The following PALM2AKAP2 variants were observed in gnomAD, a reference collection of about 807,000 sequenced individuals.
The protein encoded by PALM2AKAP2 is PALM2-AKAP2 fusion protein.
Under a neutral mutation model 71.5 loss-of-function variants are expected in PALM2AKAP2, and 37 were observed. That is an observed-to-expected ratio of 0.52 (90% CI 0.40 to 0.68). The LOEUF (loss-of-function observed/expected upper bound fraction) is 0.68, where lower values mean the gene tolerates loss of function less well. PALM2AKAP2 is among the 30% of genes least tolerant of loss of function. The pLI, the probability that PALM2AKAP2 is intolerant of heterozygous loss-of-function variation, is 0.00. For synonymous variants in PALM2AKAP2, 468 were observed against 478.8 expected (o/e 0.98, Z 0.29); for missense variants, 1,224 against 1,191.8 (o/e 1.03, Z -0.40).
intron 1 of PALM2AKAP2, among the ~76,000 whole-genome samples, chr9:109,646,255 T>C (rs549543474): frequency 1.3e-5 from 2 of 152,314 alleles, no homozygotes; most frequent in East Asian, 1.9e-4. Flanking sequence ...ATGAGATCCA[T>C]GTGTTTGTAG....
chr9:109,922,689 A>G (rs1300518723), intron 3 of PALM2AKAP2, among the ~76,000 whole-genome samples: 1 of 152,216 alleles, frequency 6.6e-6, no homozygotes, highest in African/African-American at 2.4e-5. Flanking sequence ...ACATTGCTGC[A>G]TATCAGTGCC....
chr9:109,900,523 C>G (rs1250321942), intron 3 of PALM2AKAP2, among the ~76,000 whole-genome samples: 1 of 152,160 alleles, frequency 6.6e-6, no homozygotes, highest in Non-Finnish European at 1.5e-5. Flanking sequence ...CATGGAGGAC[C>G]TTAGGATTTG....
intron 1 of PALM2AKAP2, among the ~76,000 whole-genome samples, chr9:110,085,864 T>C (rs898363634): frequency 9.2e-5 from 14 of 152,244 alleles, no homozygotes; most frequent in African/African-American, 3.4e-4. Flanking sequence ...CCTAGCACTT[T>C]GGGAGGCCGA....
At position 110,024,244 on chromosome 9, in the gene PALM2AKAP2, A is replaced by G. The variant is rs145333146; in HGVS notation, c.582+8205A>G. On this transcript the variant is annotated intron_variant, in intron 7 of 9. Coordinates refer to the PALM2AKAP2 transcript ENST00000302798. ...GTTTTAAATAATTTCCATCATTCCA[A>G]TAAGATCCCTCATGCCCTCCTATAG... Among the ~76,000 whole-genome samples the G allele has an allele frequency of 1.4e-3, 220 of 152,282 alleles. 1 individual carries two copies. Among genetic ancestry groups the G allele is most frequent in the African/African-American group, 5.1e-3 (214 of 41,562 alleles).
intron 1 of PALM2AKAP2, among the ~76,000 whole-genome samples, chr9:109,749,956 C>T (rs1828860256): frequency 6.6e-6 from 1 of 152,206 alleles, no homozygotes; most frequent in Non-Finnish European, 1.5e-5. Context: ...ACCTAAACAG[C>T]TCTGGGCTGG....
intron 1 of PALM2AKAP2, among the ~76,000 whole-genome samples, chr9:109,693,017 CT>C (rs768504918): frequency 2.6e-5 from 4 of 151,452 alleles, no homozygotes; most frequent in Non-Finnish European, 5.9e-5. Context: ...TGTTCCCTTT[CT>C]TTCTGTTTTC....
At chr9:110,018,119 C>A (rs1833014654) in intron 7 of PALM2AKAP2, among the ~76,000 whole-genome samples, 1 of 152,142 alleles carries the variant, frequency 6.6e-6, no homozygotes, top group East Asian at 1.9e-4. Context: ...GTACCAGGAT[C>A]TTGACTGAAG....
chr9:109,912,000 C>T (rs1468305948), intron 3 of PALM2AKAP2, among the ~76,000 whole-genome samples: 2 of 152,086 alleles, frequency 1.3e-5, no homozygotes, highest in African/African-American at 4.8e-5. Flanking sequence ...GAAAACATTC[C>T]TAAAGAGATG....
chr9:109,668,379 G>A (rs901995592), intron 1 of PALM2AKAP2, among the ~76,000 whole-genome samples: 2 of 152,126 alleles, frequency 1.3e-5, no homozygotes, highest in African/African-American at 2.4e-5. Context: ...CTAGCAGGAG[G>A]GCTTACAATT....
rs1455166411 is a variant in PALM2AKAP2, at chr9:110,029,287, G to C, written c.582+13248G>C. On this transcript the variant is annotated intron_variant, in intron 7 of 9. Transcript: ENST00000302798. Reference sequence around the variant, plus strand: ...TATTCTAGGATCTTCTTTTTAGTTGGGATATCAGTGTTAGCCTAATTTCAT... The same window carrying C: ...TATTCTAGGATCTTCTTTTTAGTTGCGATATCAGTGTTAGCCTAATTTCAT... Among the ~76,000 whole-genome samples, 3 of 152,180 alleles carry C rather than the reference G, an allele frequency of 2.0e-5. No individual in the cohort carries two copies. The Middle Eastern group carries it at 0.01, about 518-fold the overall frequency.
In PALM2AKAP2 at chr9:109,750,493, G is replaced by A. The variant is rs146040453; in HGVS notation, c.6-29995G>A. The stretch of plus-strand genomic sequence containing the variant: ...TCATGCAATGCTAAGTATGATACCT[G>A]AATTAGAATGGTCAAGGGTGGCCAA... On this transcript the variant is annotated intron_variant, in intron 1 of 6. Coordinates refer to the PALM2AKAP2 transcript ENST00000374531. Among the ~76,000 whole-genome samples, 531 of 152,160 alleles carry A rather than the reference G, an allele frequency of 3.5e-3. 8 individuals are homozygous for A. Among genetic ancestry groups the A allele is most frequent in the Non-Finnish European group, 2.4e-3 (160 of 67,990 alleles).
intron 1 of PALM2AKAP2, among the ~76,000 whole-genome samples, chr9:109,731,853 A>G (rs1828560536): frequency 6.6e-6 from 1 of 152,158 alleles, no homozygotes; most frequent in Non-Finnish European, 1.5e-5. Flanking sequence ...TCAGGGGAGA[A>G]GAGAGGGTAA....
At chr9:109,958,015 C>G (rs1564233483) in intron 6 of PALM2AKAP2, among the ~76,000 whole-genome samples, 1 of 152,174 alleles carries the variant, frequency 6.6e-6, no homozygotes, top group African/African-American at 2.4e-5. Context: ...CAATTAATTT[C>G]AATTCACCAA....
In PALM2AKAP2 at chr9:109,679,151, C is replaced by G. The variant is rs138841046; in HGVS notation, c.5+38285C>G. Among the ~76,000 whole-genome samples, 423 of 152,260 alleles carry G rather than the reference C, an allele frequency of 2.8e-3. 2 individuals are homozygous for G. Among genetic ancestry groups the G allele is most frequent in the African/African-American group, 9.6e-3 (399 of 41,548 alleles). ...ATGAGTTTTCCAGATTATGTATTGCCAGGCTGTGGCTGTGCTTCCTGCCGA... is the reference window on the plus strand; with the variant it reads ...ATGAGTTTTCCAGATTATGTATTGCGAGGCTGTGGCTGTGCTTCCTGCCGA... On this transcript the variant is annotated intron_variant, in intron 1 of 6. Coordinates refer to the PALM2AKAP2 transcript ENST00000374531.
chr9:109,846,334 A>G (rs1037376517), intron 1 of PALM2AKAP2, among the ~76,000 whole-genome samples: 16 of 152,172 alleles, frequency 1.1e-4, no homozygotes, highest in Non-Finnish European at 1.0e-4. Context: ...GATTGGTCTC[A>G]TGGCTGCCAC....
chr9:110,075,224 G>A (rs1123410), intron 1 of PALM2AKAP2, among the ~76,000 whole-genome samples: 3,302 of 152,190 alleles, frequency 0.022, 49 homozygotes, highest in Middle Eastern at 0.037. Context: ...GGCTTGAATG[G>A]AAAATAATTT....
intron 1 of PALM2AKAP2, among the ~76,000 whole-genome samples, chr9:110,098,087 T>C (rs1588108092): frequency 7.4e-6 from 1 of 135,402 alleles, no homozygotes; most frequent in African/African-American, 3.0e-5. Context: ...GGCAGGGAGG[T>C]TGCAGTGAGC....
chr9:110,015,879 T>G (rs1008443615), intron 6 of PALM2AKAP2, 75 bp from the exon 7 acceptor site: 4 of 1,331,074 alleles, frequency 3.0e-6, no homozygotes, highest in Non-Finnish European at 4.3e-6. Flanking sequence ...GGGATTGTAA[T>G]CTGAGCAATA....
intron 3 of PALM2AKAP2, among the ~76,000 whole-genome samples, chr9:110,160,240 C>G (rs190346462): frequency 6.6e-6 from 1 of 152,316 alleles, no homozygotes; most frequent in Admixed American, 6.5e-5. Flanking sequence ...CCATTCATCC[C>G]TTTAGTCTGA....
Sources: allele counts gnomAD v4.1 joint callset (sites outside exome capture counted in the v4.1 genomes callset), GRCh38; gene constraint gnomAD v4.1.1; transcripts MANE v1.5; gene names NCBI Gene and HGNC (gene_info 2026-07-23, HGNC 2026-07-21).